CSMD1: variants seen among roughly 807,000 people sequenced by gnomAD.
CSMD1 encodes CUB and sushi domain-containing protein 1.
A neutral mutation model predicts 417.5 loss-of-function variants in CSMD1; 213 were observed. That is an observed-to-expected ratio of 0.51 (90% CI 0.46 to 0.57). CSMD1 has a LOEUF of 0.57. Ranked by LOEUF, CSMD1 falls within the 20% of genes least tolerant of loss-of-function variation. The pLI is 0.00. For missense variants in CSMD1, 6,923 were observed against 4,529.7 expected, an observed-to-expected ratio of 1.53 and a Z score of -15.17; for synonymous variants, 2,862 against 1,736.8, an observed-to-expected ratio of 1.65 and a Z score of -16.11.
At chr8:4,222,065 T>C (rs1004049883) in intron 3 of CSMD1, among the ~76,000 whole-genome samples, 6 of 150,264 alleles carry the variant, frequency 4.0e-5, no homozygotes, top group African/African-American at 1.5e-4. Context: ...AGGCCATCAA[T>C]GACTTAGAAA....
intron 2 of CSMD1, among the ~76,000 whole-genome samples, chr8:4,620,222 G>A (rs1018503953): frequency 2.6e-5 from 4 of 151,518 alleles, no homozygotes; most frequent in African/African-American, 9.7e-5. Flanking sequence ...AGAATTATTT[G>A]AAAAATCAAA....
intron 2 of CSMD1, 145 bp from the exon 3 acceptor site, chr8:4,420,210 G>T (rs1797170484): frequency 5.9e-6 from 3 of 506,016 alleles, no homozygotes; most frequent in Non-Finnish European, 1.1e-5. Flanking sequence ...CATACACATA[G>T]CTTTGGTTGT....
At chr8:3,525,559 G>C (rs978698533) in intron 10 of CSMD1, among the ~76,000 whole-genome samples, 1 of 152,160 alleles carries the variant, frequency 6.6e-6, no homozygotes, top group Non-Finnish European at 1.5e-5. Flanking sequence ...TGCCTCTCTT[G>C]ACAGTTCAGG....
chr8:4,479,905 G>A (rs551678548), intron 2 of CSMD1, among the ~76,000 whole-genome samples: 37 of 151,380 alleles, frequency 2.4e-4, no homozygotes, highest in Non-Finnish European at 4.4e-4. Flanking sequence ...GGCAGAGGTT[G>A]CAGTGAGCCG....
At chr8:3,195,447 A>T (rs988918633) in intron 33 of CSMD1, among the ~76,000 whole-genome samples, 3 of 152,258 alleles carry the variant, frequency 2.0e-5, no homozygotes, top group African/African-American at 7.2e-5. Flanking sequence ...TTAATGGCAT[A>T]GAATCAATGG....
At chr8:3,019,292 G>C (rs960016094) in intron 51 of CSMD1, among the ~76,000 whole-genome samples, 4 of 152,088 alleles carry the variant, frequency 2.6e-5, no homozygotes, top group African/African-American at 4.8e-5. Flanking sequence ...AGTATACAAA[G>C]TATAAATGCA....
intron 46 of CSMD1, among the ~76,000 whole-genome samples, chr8:3,097,584 C>A (rs1262277950): frequency 1.3e-5 from 2 of 152,178 alleles, no homozygotes; most frequent in Admixed American, 6.5e-5. Context: ...CTGGACAAAG[C>A]TGGGATTCAT....
At position 4,858,699 on chromosome 8, in the gene CSMD1, A is replaced by G. The variant is rs1343015906; in HGVS notation, c.85+135633T>C. Among the ~76,000 whole-genome samples, 6 of 150,204 alleles carry G rather than the reference A, an allele frequency of 4.0e-5. No individual in the cohort carries two copies. In the East Asian group the frequency reaches 9.9e-4, roughly 25 times the overall value. On this transcript the variant is annotated intron_variant, in intron 1 of 69. Transcript: ENST00000635120. ...AAGAGAATAAAATACCTAGGAATCC[A>G]ACTTACAAGGGATGTGAAGGACCTC...
chr8:4,557,896 G>T (rs953758325), intron 2 of CSMD1, among the ~76,000 whole-genome samples: 2 of 152,106 alleles, frequency 1.3e-5, no homozygotes, highest in Non-Finnish European at 2.9e-5. Flanking sequence ...TAAAGATGAC[G>T]TGTTCAGTTT....
chr8:2,974,413 A>C lies in CSMD1; in HGVS notation c.8740+38T>G, dbSNP rs75494526. On this transcript the variant is annotated intron_variant, in intron 56 of 69. Coordinates refer to ENST00000635120, the MANE Select transcript of CSMD1 (RefSeq NM_033225.6). ...AATCACTATTTGAAAAGTTATTTGA[A>C]ATCTGTAATTCTGTCAGTTCACTCG... 2,588 of 1,464,620 alleles carry C rather than the reference A, an allele frequency of 1.8e-3. 36 individuals are homozygous for C. In the African/African-American group the frequency reaches 0.032, roughly 18 times the overall value. 90.7% of individuals were successfully genotyped at this position (1,464,620 alleles called of 1,614,324 possible). A position where few individuals can be genotyped will look rare whatever the true frequency, so the allele number is the denominator to read the frequency against.
intron 3 of CSMD1, among the ~76,000 whole-genome samples, chr8:4,207,794 CAA>C (rs1320689762): frequency 1.3e-5 from 2 of 152,044 alleles, no homozygotes; most frequent in African/African-American, 4.8e-5. Context: ...CTGGCAATAG[CAA>C]AAGTTACAAT....
chr8:3,952,678 T>A (rs904591106), intron 5 of CSMD1, among the ~76,000 whole-genome samples: 1 of 152,330 alleles, frequency 6.6e-6, no homozygotes, highest in Non-Finnish European at 1.5e-5. Context: ...CAAAGAGATA[T>A]TATTGTTGCA....
chr8:3,574,376 GA>G (rs1476723704), intron 10 of CSMD1, among the ~76,000 whole-genome samples: 2 of 152,178 alleles, frequency 1.3e-5, no homozygotes, highest in Non-Finnish European at 2.9e-5. Flanking sequence ...GAATAGCTGG[GA>G]TGACAGGTGC....
At chr8:3,720,772 C>T (rs1434077633) in intron 6 of CSMD1, among the ~76,000 whole-genome samples, 1 of 152,076 alleles carries the variant, frequency 6.6e-6, no homozygotes, top group Admixed American at 6.6e-5. Context: ...CCTTCAGATG[C>T]TGACACGATC....
At chr8:4,453,288 C>T (rs753158012) in intron 2 of CSMD1, among the ~76,000 whole-genome samples, 3 of 151,936 alleles carry the variant, frequency 2.0e-5, no homozygotes, top group Non-Finnish European at 4.4e-5. Flanking sequence ...CATGAATTTA[C>T]ACTCCCACTG....
chr8:3,234,340 T>C (rs1251461359), intron 26 of CSMD1, among the ~76,000 whole-genome samples: 1 of 152,212 alleles, frequency 6.6e-6, no homozygotes, highest in African/African-American at 2.4e-5. Context: ...CTCACTGTAA[T>C]ACTGCAAACG....
At chr8:3,535,145 G>A (rs749046921) in intron 10 of CSMD1, among the ~76,000 whole-genome samples, 2 of 151,852 alleles carry the variant, frequency 1.3e-5, no homozygotes, top group African/African-American at 4.8e-5. Context: ...ATAGAGACAG[G>A]GTCTCACCAT....
chr8:4,024,745 C>A (rs898519856), intron 4 of CSMD1, among the ~76,000 whole-genome samples: 8 of 152,202 alleles, frequency 5.3e-5, no homozygotes, highest in Middle Eastern at 3.4e-3. Flanking sequence ...TACTGCAGGC[C>A]GCTCTGTGAA....
chr8:4,159,323 A>G (rs1797014453), intron 3 of CSMD1, among the ~76,000 whole-genome samples: 1 of 152,188 alleles, frequency 6.6e-6, no homozygotes, highest in East Asian at 1.9e-4. Context: ...ATTAATGTCC[A>G]TTATTAGTAC....
Sources: allele counts gnomAD v4.1 joint callset (sites outside exome capture counted in the v4.1 genomes callset), GRCh38; gene constraint gnomAD v4.1.1; transcripts MANE v1.5; gene names NCBI Gene and HGNC (gene_info 2026-07-23, HGNC 2026-07-21).